Variants in AOAH observed in about 807,000 individuals in gnomAD.
The protein encoded by AOAH is acyloxyacyl hydrolase (neutrophil).
AOAH carries 64 observed loss-of-function variants against 92.2 expected under a neutral mutation model. That is an observed-to-expected ratio of 0.69 (90% CI 0.57 to 0.86). The LOEUF is 0.86. Ranked by LOEUF, AOAH falls within the 40% of genes least tolerant of loss-of-function variation. The pLI is 0.00. For missense variants in AOAH, 656 were observed against 694.6 expected (o/e 0.94, Z 0.62); for synonymous variants, 263 against 254.5 (o/e 1.03, Z -0.32).
At chr7:36,543,943 C>CTTTTTTTTTTTTTTTT (rs1407764591) in intron 15 of AOAH, among the ~76,000 whole-genome samples, 10 of 82,802 alleles carry the variant, frequency 1.2e-4, no homozygotes, top group East Asian at 6.7e-4. Context: ...TTCTTTCTTT[C>CTTTTTTTTTTTTTTTT]TTTCTTTTTT....
intron 5 of AOAH, among the ~76,000 whole-genome samples, 197 bp downstream of exon 5, chr7:36,637,654 C>T (rs953234174): frequency 2.0e-5 from 3 of 152,084 alleles, no homozygotes; most frequent in African/African-American, 7.2e-5. Flanking sequence ...AGTGCTGAGG[C>T]TGAAAAACCA....
At chr7:36,563,346 GT>G (rs35287537) in intron 13 of AOAH, among the ~76,000 whole-genome samples, 59,435 of 151,496 alleles carry the variant, frequency 0.39, 11,842 homozygotes, top group Middle Eastern at 0.47. Context: ...GAACTAGAGG[GT>G]TTCTTCTTGA....
At position 36,540,687 on chromosome 7, in the gene AOAH, C is replaced by A. The variant is rs1259645594; in HGVS notation, c.1134-196G>T. ...TAGGCTGTACTTACTGACTCCCTTG[C>A]GGTTGAGTGGACTATGTGACTAGTT... On this transcript the variant is annotated intron_variant, in intron 15 of 20. Coordinates refer to ENST00000617537, the MANE Select transcript of AOAH (RefSeq NM_001637.4). Among the ~76,000 whole-genome samples the A allele has an allele frequency of 3.3e-5, 5 of 152,354 alleles. No homozygotes were observed. In the South Asian group the frequency reaches 6.2e-4, roughly 19 times the overall value.
chr7:36,710,913 A>C (rs2116961872), intron 1 of AOAH, among the ~76,000 whole-genome samples: 1 of 152,166 alleles, frequency 6.6e-6, no homozygotes, highest in South Asian at 2.1e-4. Context: ...TCTAAGTGAC[A>C]GGCTGTTCGC....
At chr7:36,695,442 A>T (rs958628560) in intron 1 of AOAH, among the ~76,000 whole-genome samples, 1 of 152,188 alleles carries the variant, frequency 6.6e-6, no homozygotes. Flanking sequence ...GATGTCTGCT[A>T]GGCGTTTTTT....
rs977724749 is a variant in AOAH, at chr7:36,649,311, C to T, written c.390+9855G>A. On this transcript the variant is annotated intron_variant, in intron 4 of 20. Coordinates refer to ENST00000617537, the MANE Select transcript of AOAH (RefSeq NM_001637.4). Reference sequence around the variant, plus strand: ...TTTATTAGAATGGGAGAGACTTGAGCGGGTTACTAGGCCTTCTCATTTTCT... The same window carrying T: ...TTTATTAGAATGGGAGAGACTTGAGTGGGTTACTAGGCCTTCTCATTTTCT... 1.1e-4 allele frequency among the ~76,000 whole-genome samples: 16 copies of T among 152,124 alleles called. 1 individual carries two copies. The highest frequency in any genetic ancestry group is 1.7e-4 in the African/African-American group (7 of 41,418).
At chr7:36,624,183 T>C (rs1028774372) in intron 6 of AOAH, among the ~76,000 whole-genome samples, 2 of 152,226 alleles carry the variant, frequency 1.3e-5, no homozygotes, top group African/African-American at 2.4e-5. Flanking sequence ...ATCCCTTCAT[T>C]CCTTCCTTGC....
intron 4 of AOAH, among the ~76,000 whole-genome samples, chr7:36,642,899 G>T (rs908940588): frequency 1.3e-5 from 2 of 152,200 alleles, no homozygotes; most frequent in Non-Finnish European, 2.9e-5. Context: ...TTAGTTACTA[G>T]TTGTAGGACC....
intron 4 of AOAH, among the ~76,000 whole-genome samples, chr7:36,650,607 G>A (rs998835639): frequency 4.6e-5 from 7 of 152,188 alleles, no homozygotes; most frequent in Admixed American, 1.3e-4. Flanking sequence ...CAGAGCAGGC[G>A]CCCTGGGATG....
chr7:36,693,870 C>T (rs1021408201), intron 1 of AOAH, among the ~76,000 whole-genome samples: 3 of 152,070 alleles, frequency 2.0e-5, no homozygotes, highest in African/African-American at 4.8e-5. Flanking sequence ...TTGTTAAACA[C>T]GTAAGTACTG....
intron 11 of AOAH, chr7:36,594,789 A>C: frequency 3.2e-6 from 1 of 314,954 alleles, no homozygotes; most frequent in Non-Finnish European, 6.1e-6. Flanking sequence ...TCATCTGAAA[A>C]GTAATTAATC....
chr7:36,528,784 T>C (rs1293295449), intron 19 of AOAH, among the ~76,000 whole-genome samples: 4 of 152,298 alleles, frequency 2.6e-5, no homozygotes. Flanking sequence ...GTTTTGTTTT[T>C]AGAGATGGGG....
chr7:36,567,241 T>C (rs1562576319), intron 13 of AOAH, among the ~76,000 whole-genome samples: 1 of 152,348 alleles, frequency 6.6e-6, no homozygotes, highest in East Asian at 1.9e-4. Flanking sequence ...CAGGCTCATA[T>C]GGATTCCCTG....
intron 2 of AOAH, among the ~76,000 whole-genome samples, chr7:36,681,634 G>A (rs904505565): frequency 1.3e-5 from 2 of 152,030 alleles, no homozygotes; most frequent in Non-Finnish European, 2.9e-5. Flanking sequence ...GTGAAACCCC[G>A]TGTCTACTAA....
chr7:36,697,090 T>C (rs1467185242), intron 1 of AOAH, among the ~76,000 whole-genome samples: 4 of 152,154 alleles, frequency 2.6e-5, no homozygotes, highest in African/African-American at 9.7e-5. Flanking sequence ...CTAGAAGTGG[T>C]GAGAATGGAC....
chr7:36,633,258 C>T (rs1373319234), intron 5 of AOAH, among the ~76,000 whole-genome samples: 1 of 152,156 alleles, frequency 6.6e-6, no homozygotes, highest in Non-Finnish European at 1.5e-5. Context: ...AATTGAAAAC[C>T]CTGGGGTGGG....
chr7:36,688,389 C>T (rs1562698617), intron 1 of AOAH, among the ~76,000 whole-genome samples: 1 of 151,740 alleles, frequency 6.6e-6, no homozygotes, highest in Admixed American at 6.6e-5. Flanking sequence ...TGAATATATC[C>T]AATACATTTA....
In AOAH at chr7:36,692,617, A is replaced by G. The variant is rs146032933; in HGVS notation, c.128-5823T>C. Among the ~76,000 whole-genome samples, 17 of 152,316 alleles carry G rather than the reference A, an allele frequency of 1.1e-4. No homozygotes were observed. In the East Asian group the frequency reaches 3.3e-3, roughly 29 times the overall value. ...AAGCAAGGCGTGAGAAGAAATGAGCAGGCTGTGTTAAGAGACATAAGGTGA... is the reference window on the plus strand; with the variant it reads ...AAGCAAGGCGTGAGAAGAAATGAGCGGGCTGTGTTAAGAGACATAAGGTGA... On this transcript the variant is annotated intron_variant, in intron 1 of 20. Coordinates refer to ENST00000617537, the MANE Select transcript of AOAH (RefSeq NM_001637.4).
intron 20 of AOAH, among the ~76,000 whole-genome samples, chr7:36,521,565 C>A (rs910261334): frequency 1.4e-4 from 21 of 152,192 alleles, no homozygotes; most frequent in African/African-American, 4.6e-4. Flanking sequence ...CAGGATACTG[C>A]TAAGGACATT....
Sources: allele counts gnomAD v4.1 joint callset (sites outside exome capture counted in the v4.1 genomes callset), GRCh38; gene constraint gnomAD v4.1.1; transcripts MANE v1.5; gene names NCBI Gene and HGNC (gene_info 2026-07-23, HGNC 2026-07-21).